MYO5B: variants seen among roughly 807,000 people sequenced by gnomAD.
MYO5B encodes myosin VB.
A neutral mutation model predicts 229.3 loss-of-function variants in MYO5B; 143 were observed. The observed-to-expected ratio is 0.62, with a 90% confidence interval of 0.54 to 0.72. The LOEUF is 0.72. MYO5B is among the 30% of genes least tolerant of loss of function. MYO5B has a pLI of 0.00. For missense variants in MYO5B, 2,321 were observed against 2,331.0 expected (o/e 1.00, Z 0.09); for synonymous variants, 918 against 885.2 (o/e 1.04, Z -0.66).
intron 27 of MYO5B, among the ~76,000 whole-genome samples, chr18:49,867,167 G>C (rs1183975192): frequency 6.6e-6 from 1 of 152,212 alleles, no homozygotes; most frequent in South Asian, 2.1e-4. Flanking sequence ...CACCTGGCTG[G>C]AGTATAACGT....
chr18:50,044,214 G>C (rs1442984383), intron 2 of MYO5B, among the ~76,000 whole-genome samples: 1 of 152,142 alleles, frequency 6.6e-6, no homozygotes, highest in Non-Finnish European at 1.5e-5. Flanking sequence ...GCAGATTCTT[G>C]GATGTGTGGA....
chr18:49,833,671 A>G (rs142193664), intron 39 of MYO5B, among the ~76,000 whole-genome samples: 15 of 152,314 alleles, frequency 9.8e-5, no homozygotes, highest in African/African-American at 2.6e-4. Context: ...TTCTCCCTCT[A>G]ATGTGTGTCT....
intron 12 of MYO5B, among the ~76,000 whole-genome samples, chr18:49,958,345 G>T (rs1393093138): frequency 6.6e-6 from 1 of 152,116 alleles, no homozygotes; most frequent in Non-Finnish European, 1.5e-5. Flanking sequence ...TGCGCACTCT[G>T]CAATTTCTCT....
At chr18:49,985,170 G>A (rs1345133314) in intron 7 of MYO5B, among the ~76,000 whole-genome samples, 1 of 152,166 alleles carries the variant, frequency 6.6e-6, no homozygotes, top group East Asian at 1.9e-4. Flanking sequence ...CAAGTAAAAT[G>A]TATCCCCACC....
intron 1 of MYO5B, among the ~76,000 whole-genome samples, chr18:50,168,315 G>A (rs1269192293): frequency 1.3e-5 from 2 of 152,196 alleles, no homozygotes; most frequent in Admixed American, 1.3e-4. Flanking sequence ...CTGGCAACAT[G>A]GTGATTTACT....
At chr18:50,096,076 T>C (rs539819107) in intron 1 of MYO5B, among the ~76,000 whole-genome samples, 1 of 152,278 alleles carries the variant, frequency 6.6e-6, no homozygotes, top group Non-Finnish European at 1.5e-5. Flanking sequence ...TATCTCACCA[T>C]GTCTAACTAG....
chr18:50,161,199 C>G (rs2032759563), intron 1 of MYO5B, among the ~76,000 whole-genome samples: 1 of 152,182 alleles, frequency 6.6e-6, no homozygotes. Flanking sequence ...GCCTGGTCAA[C>G]ATGGTGAATC....
At chr18:50,034,329 G>C (rs537184366) in intron 4 of MYO5B, among the ~76,000 whole-genome samples, 9 of 152,314 alleles carry the variant, frequency 5.9e-5, no homozygotes, top group African/African-American at 1.7e-4. Flanking sequence ...GCAAAAACTT[G>C]TCCTGCATCT....
chr18:50,018,997 T>C (rs8098733), intron 4 of MYO5B, among the ~76,000 whole-genome samples: 148,949 of 152,306 alleles, frequency 0.98, 72,929 homozygotes, highest in East Asian at 1. Context: ...CCCACTTACA[T>C]TATTGGACTT....
At chr18:50,160,587 A>G (rs2032750339) in intron 1 of MYO5B, among the ~76,000 whole-genome samples, 1 of 152,156 alleles carries the variant, frequency 6.6e-6, no homozygotes, top group Admixed American at 6.5e-5. Flanking sequence ...CACATTCCCC[A>G]TGAAAGGTCA....
chr18:50,044,251 G>T lies in MYO5B; in HGVS notation c.139-3937C>A, dbSNP rs2144398933. ...GTCCAGAGGGAAGGCAGGAGTGAGA[G>T]ACTTGAGAGCAGATTTTTTTTCTGT... On this transcript the variant is annotated intron_variant, in intron 2 of 39. Transcript: ENST00000285039. Among the ~76,000 whole-genome samples the T allele has an allele frequency of 2.0e-5, 3 of 152,246 alleles. 1 individual carries two copies.
At chr18:50,020,096 T>C (rs1040005138) in intron 4 of MYO5B, among the ~76,000 whole-genome samples, 4 of 152,152 alleles carry the variant, frequency 2.6e-5, no homozygotes, top group African/African-American at 9.7e-5. Flanking sequence ...CAGTCACCTG[T>C]CTCATGAGAG....
At chr18:49,911,964 G>A in intron 18 of MYO5B, 98 bp downstream of exon 18, 1 of 900,258 alleles carries the variant, frequency 1.1e-6, no homozygotes, top group Non-Finnish European at 1.9e-6. Context: ...TCAGTAAGAA[G>A]GATGAAGACC....
intron 14 of MYO5B, among the ~76,000 whole-genome samples, chr18:49,942,231 A>G (rs1446917027): frequency 2.6e-5 from 4 of 151,156 alleles, no homozygotes; most frequent in African/African-American, 7.3e-5. Flanking sequence ...AACCATAAAA[A>G]CCCTAGAAGA....
chr18:49,923,440 A>C (rs960913501), intron 17 of MYO5B, among the ~76,000 whole-genome samples: 1 of 152,184 alleles, frequency 6.6e-6, no homozygotes, highest in Non-Finnish European at 1.5e-5. Flanking sequence ...CTCATTCTAC[A>C]TAGAACCCAT....
At chr18:49,849,369 T>G (rs1423152027) in intron 32 of MYO5B, among the ~76,000 whole-genome samples, 198 bp downstream of exon 32, 1 of 152,102 alleles carries the variant, frequency 6.6e-6, no homozygotes, top group Non-Finnish European at 1.5e-5. Context: ...AATTCAAGTG[T>G]CTTTTGTCCA....
At chr18:50,125,068 C>G (rs2032136185) in intron 1 of MYO5B, among the ~76,000 whole-genome samples, 1 of 152,080 alleles carries the variant, frequency 6.6e-6, no homozygotes, top group African/African-American at 2.4e-5. Context: ...GGTACCCCTG[C>G]TGACTGCAAG....
chr18:49,829,618 A>G (rs878956105), intron 39 of MYO5B, among the ~76,000 whole-genome samples: 3 of 152,232 alleles, frequency 2.0e-5, no homozygotes, highest in Non-Finnish European at 4.4e-5. Context: ...TATAACCCTA[A>G]TATCAAAGCC....
chr18:50,034,668 T>TG (rs1401735762), intron 4 of MYO5B, among the ~76,000 whole-genome samples: 1 of 151,960 alleles, frequency 6.6e-6, no homozygotes. Context: ...CACTTGAACC[T>TG]GGGGGGCGGA....
Sources: gnomAD v4.1 joint callset for allele counts (sites outside exome capture counted in the v4.1 genomes callset) on GRCh38, gnomAD v4.1.1 for gene constraint, MANE v1.5 for transcripts, NCBI Gene and HGNC (gene_info 2026-07-23, HGNC 2026-07-21) for gene names.